The following CCDC192 variants were observed in gnomAD, a reference collection of about 807,000 sequenced individuals.
The protein encoded by CCDC192 is coiled-coil domain-containing protein 192.
chr5:127,781,440 T>C (rs1279402073), intron 3 of CCDC192, among the ~76,000 whole-genome samples: 1 of 152,204 alleles, frequency 6.6e-6, no homozygotes, highest in Non-Finnish European at 1.5e-5. Context: ...ATTTTCACAA[T>C]ATTGATTCTA....
intron 5 of CCDC192, among the ~76,000 whole-genome samples, chr5:127,874,432 C>A (rs1375170701): frequency 2.6e-5 from 4 of 151,918 alleles, no homozygotes; most frequent in Non-Finnish European, 4.4e-5. Context: ...GTTGTACTGG[C>A]AACAAAGCAA....
intron 2 of CCDC192, among the ~76,000 whole-genome samples, chr5:127,714,615 C>G (rs896079921): frequency 6.6e-6 from 1 of 152,308 alleles, no homozygotes; most frequent in Non-Finnish European, 1.5e-5. Flanking sequence ...AGTGATCCAT[C>G]TGCCTTGGCT....
chr5:127,779,290 G>C (rs1256522187), intron 3 of CCDC192, among the ~76,000 whole-genome samples: 1 of 151,864 alleles, frequency 6.6e-6, no homozygotes, highest in Non-Finnish European at 1.5e-5. Context: ...ACATATATGA[G>C]GATCTATGTA....
At chr5:127,828,445 A>G (rs1749637421) in intron 5 of CCDC192, among the ~76,000 whole-genome samples, 1 of 152,232 alleles carries the variant, frequency 6.6e-6, no homozygotes, top group Non-Finnish European at 1.5e-5. Flanking sequence ...TTTGTTTGCC[A>G]ATTACTGTTT....
intron 5 of CCDC192, among the ~76,000 whole-genome samples, chr5:127,863,772 G>A (rs765099242): frequency 2.0e-5 from 3 of 152,198 alleles, no homozygotes; most frequent in Non-Finnish European, 4.4e-5. Flanking sequence ...ATTCCTTTGT[G>A]ACTCAGAGTA....
At chr5:127,716,317 C>G (rs1168225079) in intron 2 of CCDC192, among the ~76,000 whole-genome samples, 1 of 152,066 alleles carries the variant, frequency 6.6e-6, no homozygotes, top group Non-Finnish European at 1.5e-5. Flanking sequence ...ATTTTTGCCT[C>G]TATGTTCATC....
intron 5 of CCDC192, among the ~76,000 whole-genome samples, chr5:127,817,762 A>G (rs1749090810): frequency 6.6e-6 from 1 of 152,196 alleles, no homozygotes; most frequent in Admixed American, 6.5e-5. Flanking sequence ...GATGACTGCT[A>G]TATCTCAATA....
chr5:127,785,876 C>T (rs1437494788), intron 3 of CCDC192: 1 of 379,002 alleles, frequency 2.6e-6, no homozygotes, highest in Non-Finnish European at 5.2e-6. Flanking sequence ...AGAGCAGCCA[C>T]AAAGCCAGTG....
At chr5:127,768,113 G>A (rs146881490) in intron 3 of CCDC192, among the ~76,000 whole-genome samples, 2,563 of 152,028 alleles carry the variant, frequency 0.017, 35 homozygotes, top group African/African-American at 0.04. Flanking sequence ...TTATCCAGGC[G>A]TGGTGGCACG....
At chr5:127,717,928 C>CAAAAAAAAAAAAAAAGAAAAAAA (rs1751719229) in intron 2 of CCDC192, among the ~76,000 whole-genome samples, 2 of 98,074 alleles carry the variant, frequency 2.0e-5, no homozygotes, top group East Asian at 2.9e-4. Flanking sequence ...TAAAGCTAGA[C>CAAAAAAAAAAAAAAAGAAAAAAA]AAAAAAAAAA....
chr5:127,764,553 C>T (rs1580618761), intron 3 of CCDC192, among the ~76,000 whole-genome samples: 2 of 152,168 alleles, frequency 1.3e-5, no homozygotes, highest in African/African-American at 4.8e-5. Flanking sequence ...GATTCTTCAT[C>T]CAAGTTTTGG....
chr5:127,761,179 G>GT (rs1754908666), intron 3 of CCDC192, among the ~76,000 whole-genome samples: 1 of 152,190 alleles, frequency 6.6e-6, no homozygotes, highest in East Asian at 1.9e-4. Flanking sequence ...TTTCTTTGCT[G>GT]TTTTTTCTGT....
intron 3 of CCDC192, among the ~76,000 whole-genome samples, chr5:127,776,831 A>G (rs1222864068): frequency 6.6e-6 from 1 of 152,206 alleles, no homozygotes; most frequent in Non-Finnish European, 1.5e-5. Flanking sequence ...CAGCTTCCAC[A>G]TGGTGTTGAG....
At chr5:127,760,902 A>G (rs1034797187) in intron 3 of CCDC192, among the ~76,000 whole-genome samples, 19 of 152,202 alleles carry the variant, frequency 1.2e-4, no homozygotes, top group African/African-American at 4.3e-4. Flanking sequence ...GGAATGTAAG[A>G]GGTGGGGATA....
At chr5:127,812,901 T>C (rs1465340625) in intron 5 of CCDC192, among the ~76,000 whole-genome samples, 2 of 152,234 alleles carry the variant, frequency 1.3e-5, no homozygotes, top group African/African-American at 4.8e-5. Context: ...AACCTTTACT[T>C]TCTCAGCTTC....
intron 3 of CCDC192, among the ~76,000 whole-genome samples, chr5:127,792,923 T>C (rs1176744230): frequency 6.6e-6 from 1 of 152,068 alleles, no homozygotes; most frequent in Non-Finnish European, 1.5e-5. Context: ...AAGGGTTCAA[T>C]AGCAGATATA....
chr5:127,730,742 C>A (rs1752595870), intron 2 of CCDC192, among the ~76,000 whole-genome samples: 2 of 152,004 alleles, frequency 1.3e-5, no homozygotes, highest in African/African-American at 4.8e-5. Context: ...TAATTCATTA[C>A]ATAAACAGAA....
intron 2 of CCDC192, among the ~76,000 whole-genome samples, chr5:127,712,817 T>C (rs1186142061): frequency 1.3e-5 from 2 of 152,220 alleles, no homozygotes; most frequent in Non-Finnish European, 2.9e-5. Flanking sequence ...CTTTTAACTT[T>C]TGAAAAACCT....
At chr5:127,794,037 T>A (rs1757025907) in intron 3 of CCDC192, among the ~76,000 whole-genome samples, 1 of 152,234 alleles carries the variant, frequency 6.6e-6, no homozygotes, top group Non-Finnish European at 1.5e-5. Context: ...TTTCCTGATG[T>A]CTGTGGGATA....
Sources: allele counts gnomAD v4.1 joint callset (sites outside exome capture counted in the v4.1 genomes callset), GRCh38; gene constraint gnomAD v4.1.1; transcripts MANE v1.5; gene names NCBI Gene and HGNC (gene_info 2026-07-23, HGNC 2026-07-21).